The following RAB27A variants were observed in gnomAD, a reference collection of about 807,000 sequenced individuals.
RAB27A encodes ras-related protein Rab-27A.
In RAB27A, 17 loss-of-function variants were observed where a neutral mutation model predicts 20.8. The ratio of observed to expected loss-of-function variants is 0.82; its 90% CI spans 0.56 to 1.23. The LOEUF is 1.23. RAB27A is among the 50% of genes most tolerant of loss of function. The pLI, the probability that RAB27A is intolerant of heterozygous loss-of-function variation, is 0.00. For missense variants in RAB27A, 277 were observed against 266.7 expected, an observed-to-expected ratio of 1.04 and a Z score of -0.27; for synonymous variants, 85 against 92.8, an observed-to-expected ratio of 0.92 and a Z score of 0.48.
At chr15:55,241,624 A>ATATATATATATATATATGTGTGTG (rs377301086) in intron 2 of RAB27A, among the ~76,000 whole-genome samples, 8 of 117,664 alleles carry the variant, frequency 6.8e-5, no homozygotes, top group African/African-American at 3.5e-4. Flanking sequence ...ATATATATAT[A>ATATATATATATATATATGTGTGTG]TGTGTGTATA....
Position 55,203,595 on chromosome 15 carries a change from T to TA in RAB27A, c.*1911_*1912insT. 7.6e-6 allele frequency: 1 copy of TA among 132,248 alleles called. No individual in the cohort carries two copies. Among genetic ancestry groups the TA allele is most frequent in the Non-Finnish European group, 1.7e-5 (1 of 59,290 alleles). The allele number at this position is 132,248 out of a possible 1,614,324, so 8.2% of individuals were successfully genotyped here. A position where few individuals can be genotyped will look rare whatever the true frequency, so the allele number is the denominator to read the frequency against. On this transcript the variant is annotated 3_prime_UTR_variant, in exon 7 of 7. Transcript: ENST00000336787. ...ACGCCCAGCCCATTTTTTTTTTTTT[T>TA]TTTTTTTTAGTAGAGATGGGGTTTC...
At chr15:55,265,527 AT>A (rs1480168745) in intron 2 of RAB27A, among the ~76,000 whole-genome samples, 2 of 152,150 alleles carry the variant, frequency 1.3e-5, no homozygotes, top group African/African-American at 4.8e-5. Flanking sequence ...CCAAATAAGC[AT>A]TATCCTTTCA....
intron 1 of RAB27A, among the ~76,000 whole-genome samples, chr15:55,279,019 C>T (rs1010406895): frequency 6.6e-6 from 1 of 152,134 alleles, no homozygotes; most frequent in Non-Finnish European, 1.5e-5. Flanking sequence ...TCTATGCACC[C>T]CACAGACAAA....
chr15:55,263,015 C>T (rs557491000), intron 2 of RAB27A, among the ~76,000 whole-genome samples: 1 of 152,280 alleles, frequency 6.6e-6, no homozygotes, highest in Non-Finnish European at 1.5e-5. Context: ...TTTGTTTCAG[C>T]ATGTATCAAG....
intron 2 of RAB27A, among the ~76,000 whole-genome samples, chr15:55,261,164 C>T (rs1050251066): frequency 2.0e-5 from 3 of 151,916 alleles, no homozygotes; most frequent in Non-Finnish European, 2.9e-5. Context: ...TTTGGGAGGC[C>T]GAGGCGGGTG....
In RAB27A at chr15:55,209,783, CAT is replaced by C. The variant is rs540443304; in HGVS notation, c.468-4080_468-4079del. The stretch of plus-strand genomic sequence containing the variant: ...GTGTGTACATATACATATATACACA[CAT>C]ATGTGTGTATGTATACATATATACA... On this transcript the variant is annotated intron_variant, in intron 6 of 6. Transcript: ENST00000336787. Among the ~76,000 whole-genome samples the C allele has an allele frequency of 5.1e-3, 627 of 123,668 alleles. 81 individuals are homozygous for C. Among genetic ancestry groups the C allele is most frequent in the African/African-American group, 0.013 (300 of 22,856 alleles). The allele number at this position is 123,668 out of a possible 152,430, so 81.1% of individuals were successfully genotyped here. A position where few individuals can be genotyped will look rare whatever the true frequency, so the allele number is the denominator to read the frequency against.
chr15:55,274,794 T>TCATATATATA (rs1897805753), intron 1 of RAB27A, among the ~76,000 whole-genome samples: 1 of 52,172 alleles, frequency 1.9e-5, no homozygotes, highest in African/African-American at 5.8e-5. Flanking sequence ...AATAAATAAA[T>TCATATATATA]TATATATATA....
At chr15:55,216,914 G>A (rs1040332537) in intron 6 of RAB27A, among the ~76,000 whole-genome samples, 10 of 152,268 alleles carry the variant, frequency 6.6e-5, no homozygotes, top group South Asian at 2.1e-4. Flanking sequence ...TAATACTGAC[G>A]TATAAATGAT....
In RAB27A at chr15:55,223,782, G is replaced by T. The variant is rs1895684130; in HGVS notation, c.467+107C>A. On this transcript the variant is annotated intron_variant, in intron 6 of 6. Transcript: ENST00000336787. ...CATTCAACATGCCCCAAGGCCTATG[G>T]CTGAGGTTTTGCTTTAATTGTCCAC... 10 of 1,367,110 alleles carry T rather than the reference G, an allele frequency of 7.3e-6. No individual in the cohort carries two copies. The South Asian group carries it at 8.2e-5, about 11-fold the overall frequency. 84.7% of individuals were successfully genotyped at this position (1,367,110 alleles called of 1,614,324 possible).
At chr15:55,226,917 A>G (rs1252621485) in intron 5 of RAB27A, among the ~76,000 whole-genome samples, 1 of 152,070 alleles carries the variant, frequency 6.6e-6, no homozygotes, top group East Asian at 1.9e-4. Flanking sequence ...GTAATACTCA[A>G]AAGGCTGACA....
At chr15:55,205,856 G>T in intron 6 of RAB27A, 151 bp from the exon 7 acceptor site, 1 of 766,584 alleles carries the variant, frequency 1.3e-6, no homozygotes, top group South Asian at 1.5e-5. Context: ...AAGTTAAAAA[G>T]ACAATAAAAT....
chr15:55,215,064 C>A (rs865862257), intron 6 of RAB27A, among the ~76,000 whole-genome samples: 5 of 152,246 alleles, frequency 3.3e-5, no homozygotes, highest in Middle Eastern at 3.4e-3. Flanking sequence ...AAACTCAGAT[C>A]TCCCGCAACA....
chr15:55,283,431 G>A (rs1464454756), intron 1 of RAB27A, among the ~76,000 whole-genome samples: 2 of 152,124 alleles, frequency 1.3e-5, no homozygotes, highest in Non-Finnish European at 2.9e-5. Flanking sequence ...ACACAGGAAT[G>A]AGCCGCCACC....
At chr15:55,244,724 A>G (rs1055945983) in intron 2 of RAB27A, among the ~76,000 whole-genome samples, 3 of 152,242 alleles carry the variant, frequency 2.0e-5, no homozygotes, top group Non-Finnish European at 4.4e-5. Context: ...GCAGATGAAT[A>G]TAACTATTAC....
At position 55,266,817 on chromosome 15, in the gene RAB27A, C is replaced by T. The variant is rs142756653; in HGVS notation, c.-23+3348G>A. 4.0e-3 allele frequency among the ~76,000 whole-genome samples: 608 copies of T among 152,320 alleles called. 1 individual carries two copies. Among genetic ancestry groups the T allele is most frequent in the Non-Finnish European group, 6.4e-3 (438 of 68,028 alleles). On this transcript the variant is annotated intron_variant, in intron 2 of 6. Coordinates refer to ENST00000336787, the MANE Select transcript of RAB27A (RefSeq NM_183235.3). ...CTCTCAACTACCACATTACACTGTA[C>T]GGTACACAACCAGTTAAACATCTCT... is the stretch of plus-strand genomic sequence containing the variant.
At chr15:55,278,482 ATT>A (rs11290945) in intron 1 of RAB27A, among the ~76,000 whole-genome samples, 8,247 of 137,436 alleles carry the variant, frequency 0.06, 280 homozygotes, top group Non-Finnish European at 0.071. Context: ...AATCATTATT[ATT>A]TTTTTTTTTT....
chr15:55,282,176 T>C (rs1228019905), intron 1 of RAB27A, among the ~76,000 whole-genome samples: 1 of 152,230 alleles, frequency 6.6e-6, no homozygotes, highest in African/African-American at 2.4e-5. Context: ...CATCTAGATG[T>C]CACTTCTTTT....
chr15:55,214,632 C>T (rs530423112), intron 6 of RAB27A, among the ~76,000 whole-genome samples: 11 of 152,270 alleles, frequency 7.2e-5, no homozygotes, highest in African/African-American at 2.4e-4. Flanking sequence ...ACATGGTCTT[C>T]GCAGTTTTTA....
intron 6 of RAB27A, among the ~76,000 whole-genome samples, chr15:55,216,290 T>C (rs1895299579): frequency 6.6e-6 from 1 of 152,122 alleles, no homozygotes; most frequent in African/African-American, 2.4e-5. Context: ...TCCCAGCACT[T>C]TGAGAGGCCA....
Sources: allele counts gnomAD v4.1 joint callset (sites outside exome capture counted in the v4.1 genomes callset), GRCh38; gene constraint gnomAD v4.1.1; transcripts MANE v1.5; gene names NCBI Gene and HGNC (gene_info 2026-07-23, HGNC 2026-07-21).